Variants in PCDH15 observed in about 807,000 individuals in gnomAD.
The protein encoded by PCDH15 is protocadherin related 15, also known as protocadherin-15.
A neutral mutation model predicts 178.5 loss-of-function variants in PCDH15; 129 were observed. The observed-to-expected ratio is 0.72, with a 90% CI of 0.63 to 0.84. The LOEUF is 0.84. PCDH15 is among the 40% of genes least tolerant of loss of function. The probability of loss-of-function intolerance (pLI) is 0.00; values close to 1 mark genes in which losing one functional copy is unlikely to be tolerated. For synonymous variants in PCDH15, 800 were observed against 732.0 expected, an observed-to-expected ratio of 1.09 and a Z score of -1.50; for missense variants, 2,230 against 2,099.9, an observed-to-expected ratio of 1.06 and a Z score of -1.21.
chr10:55,571,843 T>C (rs1206169237), intron 2 of PCDH15, among the ~76,000 whole-genome samples: 1 of 152,050 alleles, frequency 6.6e-6, no homozygotes, highest in Non-Finnish European at 1.5e-5. Context: ...CAACTTGCCT[T>C]AGATTCTTGA....
At chr10:55,081,142 C>T (rs949752929) in intron 2 of PCDH15, among the ~76,000 whole-genome samples, 17 of 152,158 alleles carry the variant, frequency 1.1e-4, no homozygotes, top group African/African-American at 2.4e-5. Flanking sequence ...GGATCCCCTT[C>T]AGGCTCCCAG....
chr10:54,543,832 C>T (rs759015880), intron 2 of PCDH15, among the ~76,000 whole-genome samples: 9 of 152,142 alleles, frequency 5.9e-5, no homozygotes, highest in Non-Finnish European at 1.0e-4. Flanking sequence ...TTTTCCCCAC[C>T]GCTGTTGCTC....
intron 10 of PCDH15, among the ~76,000 whole-genome samples, chr10:54,207,324 C>T (rs1260980377): frequency 6.6e-6 from 1 of 151,744 alleles, no homozygotes; most frequent in Non-Finnish European, 1.5e-5. Flanking sequence ...AATAAAAACA[C>T]ACGGTGTTCT....
chr10:55,275,231 T>C (rs1314437497), intron 1 of PCDH15, among the ~76,000 whole-genome samples: 1 of 152,102 alleles, frequency 6.6e-6, no homozygotes, highest in Admixed American at 6.5e-5. Context: ...TAGATGTTAC[T>C]TTCATCAATC....
intron 2 of PCDH15, among the ~76,000 whole-genome samples, chr10:55,128,095 C>G (rs1284127403): frequency 6.6e-6 from 1 of 151,454 alleles, no homozygotes; most frequent in African/African-American, 2.4e-5. Flanking sequence ...CTGCTTCCAA[C>G]TGGAAGCCAC....
At chr10:55,460,445 TCTA>T (rs1780881745) in intron 2 of PCDH15, among the ~76,000 whole-genome samples, 1 of 152,032 alleles carries the variant, frequency 6.6e-6, no homozygotes, top group African/African-American at 2.4e-5. Flanking sequence ...TTGGGTGGGT[TCTA>T]CTGATAAGTC....
chr10:55,367,607 C>T (rs1031224264), intron 2 of PCDH15, among the ~76,000 whole-genome samples: 5 of 151,522 alleles, frequency 3.3e-5, no homozygotes, highest in African/African-American at 1.2e-4. Flanking sequence ...ACAAAACAAA[C>T]AAAAGACAAA....
chr10:54,003,784 A>G (rs140418842), intron 20 of PCDH15, among the ~76,000 whole-genome samples: 52 of 151,090 alleles, frequency 3.4e-4, no homozygotes, highest in African/African-American at 1.2e-3. Context: ...ATACTTTCAA[A>G]CTCATTCTAT....
At chr10:55,554,621 G>A (rs1215776554) in intron 2 of PCDH15, among the ~76,000 whole-genome samples, 3 of 151,962 alleles carry the variant, frequency 2.0e-5, no homozygotes, top group Admixed American at 6.6e-5. Flanking sequence ...CATATGGGGG[G>A]CCAAATATTC....
At chr10:54,636,350 T>G (rs1009118242) in intron 2 of PCDH15, among the ~76,000 whole-genome samples, 1 of 151,936 alleles carries the variant, frequency 6.6e-6, no homozygotes, top group African/African-American at 2.4e-5. Flanking sequence ...CCCTGTCTCT[T>G]TACCCTCAGA....
chr10:54,140,817 GGGA>G (rs2043338078), intron 14 of PCDH15, among the ~76,000 whole-genome samples: 1 of 151,928 alleles, frequency 6.6e-6, no homozygotes, highest in African/African-American at 2.4e-5. Flanking sequence ...GTCCTCAGCT[GGGA>G]CTACAGGCAT....
chr10:55,065,735 A>G (rs1173637786), intron 2 of PCDH15, among the ~76,000 whole-genome samples: 1 of 152,080 alleles, frequency 6.6e-6, no homozygotes, highest in Non-Finnish European at 1.5e-5. Flanking sequence ...CTAAAGCTCC[A>G]TTAGAATAGT....
At chr10:53,913,147 A>G (rs148454625) in intron 25 of PCDH15, among the ~76,000 whole-genome samples, 5,257 of 152,254 alleles carry the variant, frequency 0.035, 136 homozygotes, top group African/African-American at 0.064. Flanking sequence ...ACACATCTAC[A>G]ACCATCTTAT....
chr10:54,921,125 C>G (rs891758794), intron 2 of PCDH15, among the ~76,000 whole-genome samples: 2 of 152,052 alleles, frequency 1.3e-5, no homozygotes, highest in African/African-American at 4.8e-5. Flanking sequence ...TGGTAAAAGA[C>G]TCTTATCCAT....
chr10:55,319,754 A>G (rs1843837669), upstream of PCDH15: 1 of 152,296 alleles, frequency 6.6e-6, no homozygotes, highest in Non-Finnish European at 1.5e-5. Context: ...TCCCATGGAC[A>G]TCTGAGTTGG....
intron 25 of PCDH15, among the ~76,000 whole-genome samples, chr10:53,925,414 G>A (rs893380881): frequency 1.3e-5 from 2 of 152,136 alleles, no homozygotes; most frequent in Admixed American, 6.5e-5. Context: ...CTCCGAACAC[G>A]CCCGAACATC....
At chr10:54,493,739 A>AGCAAAGTCCT (rs1358473177) in intron 3 of PCDH15, among the ~76,000 whole-genome samples, 3 of 152,178 alleles carry the variant, frequency 2.0e-5, no homozygotes, top group African/African-American at 7.2e-5. Flanking sequence ...ATTACTGGGT[A>AGCAAAGTCCT]TATAGCAAAG....
At chr10:54,576,042 TAAACAAAC>T (rs6143913) in intron 2 of PCDH15, among the ~76,000 whole-genome samples, 23 of 151,712 alleles carry the variant, frequency 1.5e-4, no homozygotes, top group South Asian at 4.2e-4. Context: ...ACCTTGTTAT[TAAACAAAC>T]AAACAAACAA....
chr10:55,178,183 G>A (rs1457273686), intron 1 of PCDH15, among the ~76,000 whole-genome samples: 1 of 152,132 alleles, frequency 6.6e-6, no homozygotes, highest in Non-Finnish European at 1.5e-5. Context: ...CATTGGCAGT[G>A]GCATTGATAC....
Sources: allele counts gnomAD v4.1 joint callset (sites outside exome capture counted in the v4.1 genomes callset), GRCh38; gene constraint gnomAD v4.1.1; transcripts MANE v1.5; gene names NCBI Gene and HGNC (gene_info 2026-07-23, HGNC 2026-07-21).